PPEF1: variants seen among roughly 807,000 people sequenced by gnomAD.
PPEF1 encodes the protein protein phosphatase with EF-hand domain 1, also known as serine/threonine-protein phosphatase with EF-hands 1.
Under a neutral mutation model 53.3 loss-of-function variants are expected in PPEF1, and 12 were observed. That is an observed-to-expected ratio of 0.23 (90% confidence interval 0.14 to 0.36). The LOEUF is 0.36. Ranked by LOEUF, PPEF1 falls within the 10% of genes least tolerant of loss-of-function variation. The probability of loss-of-function intolerance (pLI) is 1.00; values close to 1 mark genes in which losing one functional copy is unlikely to be tolerated. For missense variants in PPEF1, 334 were observed against 490.4 expected, an observed-to-expected ratio of 0.68 and a Z score of 3.01; for synonymous variants, 165 against 176.7, an observed-to-expected ratio of 0.93 and a Z score of 0.52.
upstream of PPEF1, among the ~76,000 whole-genome samples, chrX:18,681,451 CAA>C (rs1177748008): frequency 9.0e-6 from 1 of 111,546 alleles, no homozygotes; most frequent in Admixed American, 9.6e-5. Flanking sequence ...GTCTTGAAAA[CAA>C]TGTGTCAGTG....
At chrX:18,682,653 G>A (rs1035270800), upstream of PPEF1, among the ~76,000 whole-genome samples, 1 of 111,515 alleles carries the variant, frequency 9.0e-6, no homozygotes, top group South Asian at 3.8e-4. Context: ...TAAGCCAGCT[G>A]GAATGGGCTT....
intron 4 of PPEF1, among the ~76,000 whole-genome samples, chrX:18,756,226 C>G (rs1056182046): frequency 9.0e-6 from 1 of 110,841 alleles, no homozygotes; most frequent in African/African-American, 3.3e-5. Flanking sequence ...GTTGCCCAGG[C>G]TGGAGTGCAA....
intron 6 of PPEF1, among the ~76,000 whole-genome samples, chrX:18,777,559 G>A (rs965410315): frequency 9.3e-6 from 1 of 107,081 alleles, no homozygotes; most frequent in Non-Finnish European, 1.9e-5. Context: ...TTGCTGTGTC[G>A]CCCAGGCTGG....
chrX:18,743,446 CTTTTTTT>C (rs72264344), intron 3 of PPEF1, among the ~76,000 whole-genome samples: 2 of 59,332 alleles, frequency 3.4e-5, no homozygotes, highest in Non-Finnish European at 6.2e-5. Flanking sequence ...TTCTCTTTTT[CTTTTTTT>C]TTTTTTTTTT....
At chrX:18,706,356 A>G (rs141980616), upstream of PPEF1, among the ~76,000 whole-genome samples, 880 of 110,548 alleles carry the variant, frequency 8.0e-3, 8 homozygotes, top group Non-Finnish European at 0.014. Flanking sequence ...ACTCCCGTGA[A>G]GTGATTATGG....
chrX:18,811,699 C>T (rs751637313), intron 12 of PPEF1, among the ~76,000 whole-genome samples: 36 of 104,065 alleles, frequency 3.5e-4, no homozygotes, highest in African/African-American at 1.2e-3. Context: ...CCTTGGCCTG[C>T]GGGGCTCAAT....
intron 15 of PPEF1, among the ~76,000 whole-genome samples, chrX:18,826,061 C>T (rs116714907): frequency 0.02 from 2,188 of 111,846 alleles, 41 homozygotes; most frequent in African/African-American, 0.068. Flanking sequence ...GACTAAAAGT[C>T]AAAATGGGGT....
intron 12 of PPEF1, 37 bp from the exon 13 acceptor site, chrX:18,818,002 T>G (rs768857092): frequency 5.0e-6 from 5 of 993,778 alleles, no homozygotes; most frequent in Non-Finnish European, 7.0e-6. Context: ...ACAGGATGAT[T>G]TATGTTACTT....
chrX:18,789,296 G>T, intron 10 of PPEF1, 23 bp downstream of exon 10: 1 of 1,190,175 alleles, frequency 8.4e-7, no homozygotes, highest in Non-Finnish European at 1.1e-6. Context: ...GGTGTTCACT[G>T]CAGTGGCAAC....
At chrX:18,783,305 C>G (rs530037251) in intron 8 of PPEF1, among the ~76,000 whole-genome samples, 5 of 109,247 alleles carry the variant, frequency 4.6e-5, no homozygotes, top group South Asian at 8.2e-4. Flanking sequence ...TGTGGGCTCT[C>G]GGTTGCTTGG....
rs1316848200 is a variant in PPEF1, at chrX:18,730,205, A to T, written c.71A>T (p.Gln24Leu). 1 of 1,208,599 alleles carries T rather than the reference A, an allele frequency of 8.3e-7. No individual in the cohort carries two copies. The highest frequency in any genetic ancestry group is 1.1e-6 in the Non-Finnish European group (1 of 894,483). The change falls in exon 2 of 16, where the codon CAG (glutamine) becomes CTG (leucine). Residue 24 changes from glutamine to leucine, a missense_variant. Physicochemically the swap from Gln to Leu is moderately radical, Grantham distance 113. Transcript: ENST00000470157. Reference sequence around the variant, plus strand: ...GCACTGAGAGCTGCGTTGATCATCCAGAACTGGTACCGAGGTTACAAAGCT... The same window carrying T: ...GCACTGAGAGCTGCGTTGATCATCCTGAACTGGTACCGAGGTTACAAAGCT... The part of the protein sequence containing the change: ...DTSLRAALII[Q>L]NWYRGYKARL...
chrX:18,778,707 T>C (rs796809357), intron 6 of PPEF1, among the ~76,000 whole-genome samples: 1 of 111,467 alleles, frequency 9.0e-6, no homozygotes, highest in Admixed American at 9.6e-5. Flanking sequence ...ATAGCCATGT[T>C]TGATAGGACA....
At chrX:18,679,367 C>T (rs183746266), upstream of PPEF1, among the ~76,000 whole-genome samples, 12 of 112,232 alleles carry the variant, frequency 1.1e-4, no homozygotes, top group East Asian at 2.8e-4. Context: ...CGTGAGCCAC[C>T]GTGCCTGGCC....
intron 6 of PPEF1, among the ~76,000 whole-genome samples, chrX:18,778,060 AAGG>A (rs1475510751): frequency 1.8e-5 from 2 of 111,204 alleles, no homozygotes; most frequent in African/African-American, 3.3e-5. Context: ...AACCTTTTTG[AAGG>A]AGGACATGCA....
chrX:18,708,590 T>A (rs1166180707), intron 1 of PPEF1, among the ~76,000 whole-genome samples: 1 of 112,271 alleles, frequency 8.9e-6, no homozygotes, highest in Non-Finnish European at 1.9e-5. Flanking sequence ...TTATAGGTAA[T>A]TCCCCCAACT....
intron 3 of PPEF1, among the ~76,000 whole-genome samples, chrX:18,742,966 G>T (rs1243695333): frequency 8.9e-6 from 1 of 112,403 alleles, no homozygotes; most frequent in Non-Finnish European, 1.9e-5. Flanking sequence ...GGCAGAAGCT[G>T]CCAGGCCTCT....
chrX:18,745,763 T>G (rs1296558046), intron 3 of PPEF1, among the ~76,000 whole-genome samples: 4 of 112,052 alleles, frequency 3.6e-5, no homozygotes, highest in African/African-American at 1.3e-4. Context: ...CATTCCTAGT[T>G]TCTGAGTTTT....
chrX:18,701,421 G>A (rs138916068), intron 6 of PPEF1, among the ~76,000 whole-genome samples: 3,129 of 111,991 alleles, frequency 0.028, 114 homozygotes, highest in African/African-American at 0.095. Context: ...AAAAACAGTT[G>A]GTCTTTGTTC....
intron 3 of PPEF1, among the ~76,000 whole-genome samples, chrX:18,737,805 T>C (rs1171552941): frequency 9.0e-6 from 1 of 111,481 alleles, no homozygotes; most frequent in Non-Finnish European, 1.9e-5. Flanking sequence ...ATCTGGGTGC[T>C]CCTGTATTGG....
Sources: gnomAD v4.1 joint callset for allele counts (sites outside exome capture counted in the v4.1 genomes callset) on GRCh38, gnomAD v4.1.1 for gene constraint, MANE v1.5 for transcripts, NCBI Gene and HGNC (gene_info 2026-07-23, HGNC 2026-07-21) for gene names.